The following IL16 variants were observed in gnomAD, a reference collection of about 807,000 sequenced individuals.
IL16 encodes the protein pro-interleukin-16.
Under a neutral mutation model 110.1 loss-of-function variants are expected in IL16, and 67 were observed. That is an observed-to-expected ratio of 0.61 (90% CI 0.50 to 0.75). IL16 has a LOEUF of 0.75. IL16 is among the 30% of genes least tolerant of loss of function. IL16 has a pLI of 0.00. For synonymous variants in IL16, 689 were observed against 662.9 expected (o/e 1.04, Z -0.61); for missense variants, 1,545 against 1,655.0 (o/e 0.93, Z 1.15).
chr15:81,210,012 G>A (rs755184239), intron 1 of IL16, among the ~76,000 whole-genome samples: 2 of 152,126 alleles, frequency 1.3e-5, no homozygotes, highest in Non-Finnish European at 2.9e-5. Flanking sequence ...TTATATTTAC[G>A]CCTTTAATCC....
Position 81,313,373 on chromosome 15 carries a change from G to A in IL16, c.*4575G>A. 6.3e-7 allele frequency: 1 copy of A among 1,575,122 alleles called. No homozygotes were observed. Reference sequence around the variant, plus strand: ...GGTAACCGCTGAGGTCGGTATGGAAGAATGTGACCAGGTTGGTCTTGGTGG... The same window carrying A: ...GGTAACCGCTGAGGTCGGTATGGAAAAATGTGACCAGGTTGGTCTTGGTGG... On this transcript the variant is annotated 3_prime_UTR_variant, in exon 19 of 19. Transcript: ENST00000683961.
intron 5 of IL16, among the ~76,000 whole-genome samples, chr15:81,271,378 T>G (rs903471937): frequency 1.3e-5 from 2 of 151,684 alleles, no homozygotes; most frequent in African/African-American, 2.4e-5. Context: ...GAGGCTGAGG[T>G]GGGAGGATTG....
At chr15:81,263,570 A>G (rs954471992) in intron 3 of IL16, among the ~76,000 whole-genome samples, 2 of 151,906 alleles carry the variant, frequency 1.3e-5, no homozygotes, top group Non-Finnish European at 2.9e-5. Context: ...TGGAGAACCC[A>G]CTCTGTCCTG....
intron 1 of IL16, among the ~76,000 whole-genome samples, chr15:81,186,956 G>T (rs1895428644): frequency 6.6e-6 from 1 of 152,082 alleles, no homozygotes; most frequent in Non-Finnish European, 1.5e-5. Flanking sequence ...ACCATGCCTG[G>T]CTATCCATCT....
intron 1 of IL16, among the ~76,000 whole-genome samples, chr15:81,224,920 G>A (rs1896736813): frequency 6.6e-6 from 1 of 152,128 alleles, no homozygotes; most frequent in Non-Finnish European, 1.5e-5. Flanking sequence ...TTTAAAGAAT[G>A]GCTTCCAAGT....
chr15:81,186,110 AC>A (rs1451209617), intron 1 of IL16, among the ~76,000 whole-genome samples: 1 of 152,098 alleles, frequency 6.6e-6, no homozygotes, highest in Non-Finnish European at 1.5e-5. Flanking sequence ...ATCCCTCACT[AC>A]CAGAGGCCTC....
In IL16 at chr15:81,312,493, T is replaced by TGCA. The variant is rs1407425801; in HGVS notation, c.*3697_*3699dup. The TGCA allele has an allele frequency of 6.6e-6, 1 of 152,300 alleles. No individual in the cohort carries two copies. Among genetic ancestry groups the TGCA allele is most frequent in the African/African-American group, 2.4e-5 (1 of 41,460 alleles). 9.4% of individuals were successfully genotyped at this position (152,300 alleles called of 1,614,324 possible). A position where few individuals can be genotyped will look rare whatever the true frequency, so the allele number is the denominator to read the frequency against. ...AGGCTCTTCTCCCCAGAGTTCCCCA[T>TGCA]GCAGACATGAGTGCGTGCTCAGTTC... On this transcript the variant is annotated 3_prime_UTR_variant, in exon 19 of 19. Transcript: ENST00000683961.
intron 6 of IL16, among the ~76,000 whole-genome samples, chr15:81,277,991 T>C (rs1248819834): frequency 6.6e-6 from 1 of 152,248 alleles, no homozygotes; most frequent in East Asian, 1.9e-4. Context: ...ACAAGTATAC[T>C]GTTGTGAAAA....
chr15:81,274,624 G>T (rs2142263946), intron 6 of IL16, among the ~76,000 whole-genome samples: 1 of 152,322 alleles, frequency 6.6e-6, no homozygotes, highest in South Asian at 2.1e-4. Context: ...TGAGTTGCTT[G>T]GTGTAATGTT....
chr15:81,227,186 G>A (rs1459468079), intron 2 of IL16, among the ~76,000 whole-genome samples: 3 of 152,060 alleles, frequency 2.0e-5, no homozygotes, highest in Non-Finnish European at 4.4e-5. Context: ...GCCAGGCACG[G>A]GAGTGAGCAA....
chr15:81,269,389 A>G (rs1429502409), intron 4 of IL16, 149 bp from the exon 5 acceptor site: 15 of 656,960 alleles, frequency 2.3e-5, no homozygotes, highest in Non-Finnish European at 3.6e-5. Context: ...CCCACACCCC[A>G]CTAACCACAT....
At chr15:81,223,736 A>G (rs1371148418) in intron 1 of IL16, among the ~76,000 whole-genome samples, 2 of 152,242 alleles carry the variant, frequency 1.3e-5, no homozygotes, top group African/African-American at 4.8e-5. Context: ...GATTACTGAA[A>G]CAGTACTACT....
chr15:81,231,277 CAGAGG>C (rs1336620761), intron 2 of IL16, among the ~76,000 whole-genome samples: 5 of 139,798 alleles, frequency 3.6e-5, no homozygotes, highest in Admixed American at 7.7e-5. Flanking sequence ...CTGAGGAGAC[CAGAGG>C]AGAGGAGGGG....
intron 1 of IL16, among the ~76,000 whole-genome samples, chr15:81,216,733 G>A (rs1019652290): frequency 2.0e-5 from 3 of 152,148 alleles, no homozygotes; most frequent in Middle Eastern, 3.2e-3. Flanking sequence ...GACCTCCTAT[G>A]AGAAGAACCC....
intron 6 of IL16, among the ~76,000 whole-genome samples, chr15:81,275,087 G>T (rs1898835951): frequency 6.6e-6 from 1 of 151,860 alleles, no homozygotes. Flanking sequence ...GAACTGGAAG[G>T]TTTCTGGTCT....
rs1050837403 is a variant in IL16, at chr15:81,244,962, T to C, written c.313-14810T>C. Among the ~76,000 whole-genome samples, 21 of 152,330 alleles carry C rather than the reference T, an allele frequency of 1.4e-4. No homozygotes were observed. In the East Asian group the frequency reaches 3.9e-3, roughly 28 times the overall value. Reference sequence around the variant, plus strand: ...CTGTCCCCTGAGTTCATTCCTTTAGTTTATTTTGATAATTATATTTTTTAG... The same window carrying C: ...CTGTCCCCTGAGTTCATTCCTTTAGCTTATTTTGATAATTATATTTTTTAG... On this transcript the variant is annotated intron_variant, in intron 2 of 18. Transcript: ENST00000683961.
At chr15:81,207,253 A>C (rs994468792) in intron 1 of IL16, among the ~76,000 whole-genome samples, 3 of 151,598 alleles carry the variant, frequency 2.0e-5, no homozygotes, top group East Asian at 1.9e-4. Flanking sequence ...AAACAAAAAA[A>C]AAAAAAAACA....
At chr15:81,285,892 C>G in intron 10 of IL16, 62 bp downstream of exon 10, 4 of 1,547,534 alleles carry the variant, frequency 2.6e-6, no homozygotes, top group Admixed American at 1.7e-5. Flanking sequence ...AAAATTGGAA[C>G]AAGAAATAGA....
chr15:81,191,406 G>A (rs954404314), intron 1 of IL16, among the ~76,000 whole-genome samples: 1 of 152,190 alleles, frequency 6.6e-6, no homozygotes, highest in African/African-American at 2.4e-5. Context: ...ACAAACAAAT[G>A]TAGAAACTCA....
Sources: gnomAD v4.1 joint callset for allele counts (sites outside exome capture counted in the v4.1 genomes callset) on GRCh38, gnomAD v4.1.1 for gene constraint, MANE v1.5 for transcripts, NCBI Gene and HGNC (gene_info 2026-07-23, HGNC 2026-07-21) for gene names.